Variants in FRMD1 observed in about 807,000 individuals in gnomAD.
FRMD1 encodes FERM domain-containing protein 1.
Under a neutral mutation model 54.9 loss-of-function variants are expected in FRMD1, and 51 were observed. The ratio of observed to expected loss-of-function variants is 0.93; its 90% CI spans 0.74 to 1.17. The LOEUF is 1.17. Ranked by LOEUF, FRMD1 falls within the 50% of genes most tolerant of loss-of-function variation. The pLI is 0.00. For synonymous variants in FRMD1, 324 were observed against 306.4 expected, an observed-to-expected ratio of 1.06 and a Z score of -0.60; for missense variants, 729 against 743.0, an observed-to-expected ratio of 0.98 and a Z score of 0.22.
intron 1 of FRMD1, among the ~76,000 whole-genome samples, chr6:168,076,628 T>C (rs938063867): frequency 2.0e-5 from 3 of 152,266 alleles, no homozygotes; most frequent in Admixed American, 6.5e-5. Context: ...GTAAGTTTCC[T>C]GAGGCCTCCC....
chr6:168,065,698 C>T, intron 4 of FRMD1: 1 of 987,190 alleles, frequency 1.0e-6, no homozygotes, highest in Non-Finnish European at 1.2e-6. Flanking sequence ...CAACCACATA[C>T]CAGTGTCTCC....
intron 9 of FRMD1, among the ~76,000 whole-genome samples, chr6:168,060,057 A>T (rs1799635114): frequency 1.5e-5 from 1 of 64,806 alleles, no homozygotes; most frequent in African/African-American, 6.4e-5. Flanking sequence ...GCTTCCAAAG[A>T]GTTGGGGGAG....
At chr6:168,057,550 GCC>G in intron 10 of FRMD1, 1 of 642,426 alleles carries the variant, frequency 1.6e-6, no homozygotes, top group East Asian at 3.0e-5. Context: ...ATTTCAGGAG[GCC>G]CCCACCTTGC....
chr6:168,067,777 G>A (rs1409624220), intron 2 of FRMD1, among the ~76,000 whole-genome samples: 1 of 152,140 alleles, frequency 6.6e-6, no homozygotes, highest in Admixed American at 6.6e-5. Context: ...TGCAACCCAG[G>A]CACCCCTCTC....
intron 8 of FRMD1, 41 bp downstream of exon 8, chr6:168,061,766 C>T (rs1459919832): frequency 2.0e-6 from 3 of 1,513,754 alleles, no homozygotes; most frequent in Non-Finnish European, 2.7e-6. Context: ...CCAGAAGGCA[C>T]AGTCCGGCTG....
rs1017262137 is a variant in FRMD1, at chr6:168,053,498, C to T, written c.*3599G>A. ...ATGACTGGGAACCCCGAAACGTCTCCCAGCAGACCGAGCCAAGTGTGTGTC... is the reference window on the plus strand; with the variant it reads ...ATGACTGGGAACCCCGAAACGTCTCTCAGCAGACCGAGCCAAGTGTGTGTC... On this transcript the variant is annotated 3_prime_UTR_variant, in exon 11 of 11. Coordinates refer to ENST00000283309, the MANE Select transcript of FRMD1 (RefSeq NM_024919.6). The T allele has an allele frequency of 6.6e-6, 1 of 152,394 alleles. No individual in the cohort carries two copies. The allele number at this position is 152,394 out of a possible 1,614,324, so 9.4% of individuals were successfully genotyped here.
In FRMD1 at chr6:168,059,604, C is replaced by T. The variant is rs368947144; in HGVS notation, c.1343-416G>A. Among the ~76,000 whole-genome samples, 13 of 152,256 alleles carry T rather than the reference C, an allele frequency of 8.5e-5. No homozygotes were observed. The East Asian group carries it at 9.7e-4, about 11-fold the overall frequency. ...CTGGGTGACTGTAGGTGATGCTGGG[C>T]GGTCCTGGGTGACTGAGCCCTGGGG... On this transcript the variant is annotated intron_variant, in intron 9 of 10. Transcript: ENST00000283309. This position sits in a 1 kb window ranked among gnomAD's most constrained non-coding sequence, Gnocchi z 4.4.
intron 1 of FRMD1, among the ~76,000 whole-genome samples, chr6:168,087,840 G>A (rs1032305723): frequency 8.6e-5 from 13 of 152,034 alleles, no homozygotes; most frequent in Admixed American, 5.9e-4. Flanking sequence ...CTCACCACCC[G>A]TCTGGGCACG....
chr6:168,059,686 C>A lies in FRMD1; in HGVS notation c.1343-498G>T, dbSNP rs1056380357. Among the ~76,000 whole-genome samples, 5 of 152,140 alleles carry A rather than the reference C, an allele frequency of 3.3e-5. No homozygotes were observed. The highest frequency in any genetic ancestry group is 1.2e-4 in the African/African-American group (5 of 41,430). ...TCAGGGCCGTGGGGACACTCAGAGA[C>A]CAGCAGAGCTCACGTCCCCTTTCTG... is the stretch of plus-strand genomic sequence containing the variant. On this transcript the variant is annotated intron_variant, in intron 9 of 10. Transcript: ENST00000283309. This position sits in a 1 kb window ranked among gnomAD's most constrained non-coding sequence, Gnocchi z 4.4.
chr6:168,067,794 A>G (rs933677345), intron 2 of FRMD1, among the ~76,000 whole-genome samples: 10 of 152,170 alleles, frequency 6.6e-5, no homozygotes, highest in African/African-American at 1.9e-4. Flanking sequence ...TCTCTCAGCT[A>G]TGGAATGAGT....
Position 168,059,010 on chromosome 6 carries a change from G to T in FRMD1, c.1407+114C>A. 2.5e-6 allele frequency: 2 copies of T among 787,102 alleles called. No individual in the cohort carries two copies. Among genetic ancestry groups the T allele is most frequent in the Non-Finnish European group, 4.0e-6 (2 of 495,584 alleles). 48.8% of individuals were successfully genotyped at this position (787,102 alleles called of 1,614,324 possible). A position where few individuals can be genotyped will look rare whatever the true frequency, so the allele number is the denominator to read the frequency against. Reference sequence around the variant, plus strand: ...GCCCGCTGCGTCTCTGGGGATGTCAGTCGAGGGACCCTCTGATAGGCCTAG... The same window carrying T: ...GCCCGCTGCGTCTCTGGGGATGTCATTCGAGGGACCCTCTGATAGGCCTAG... On this transcript the variant is annotated intron_variant, in intron 10 of 10. Transcript: ENST00000283309. This position sits in a 1 kb window ranked among gnomAD's most constrained non-coding sequence, Gnocchi z 4.4.
At chr6:168,070,816 G>A (rs1316415641) in intron 2 of FRMD1, among the ~76,000 whole-genome samples, 1 of 152,222 alleles carries the variant, frequency 6.6e-6, no homozygotes, top group East Asian at 1.9e-4. Flanking sequence ...GCCTTGACTG[G>A]CACATGACTG....
intron 2 of FRMD1, among the ~76,000 whole-genome samples, chr6:168,072,026 G>A (rs1037711400): frequency 5.9e-4 from 90 of 152,260 alleles, no homozygotes; most frequent in African/African-American, 2.0e-3. Context: ...CTGTGCCTCA[G>A]TCGAAAGGGA....
chr6:168,061,120 A>G (rs1799708213), intron 8 of FRMD1, 63 bp from the exon 9 acceptor site: 2 of 1,512,268 alleles, frequency 1.3e-6, no homozygotes, highest in African/African-American at 2.8e-5. Context: ...CTGATGCAGG[A>G]GGAAGAGCCC....
intron 1 of FRMD1, among the ~76,000 whole-genome samples, chr6:168,076,217 G>T (rs146896649): frequency 2.4e-4 from 36 of 152,326 alleles, no homozygotes; most frequent in African/African-American, 5.3e-4. Context: ...CCCTCACTTG[G>T]GGCTCCAAGA....
At position 168,074,423 on chromosome 6, in the gene FRMD1, C is replaced by T. The variant is rs113366491; in HGVS notation, c.304+822G>A. Among the ~76,000 whole-genome samples the T allele has an allele frequency of 1.9e-4, 28 of 150,586 alleles. No individual in the cohort carries two copies. In the East Asian group the frequency reaches 2.2e-3, roughly 12 times the overall value. On this transcript the variant is annotated intron_variant, in intron 2 of 10. Transcript: ENST00000283309. ...GGTGCGTAACTGCATGTGTGTGGTG[C>T]GCACATGTGTACATGTGCGAGTGGT...
chr6:168,061,776 G>A (rs576872563), intron 8 of FRMD1, 31 bp downstream of exon 8: 114 of 1,529,010 alleles, frequency 7.5e-5, no homozygotes, highest in Non-Finnish European at 9.5e-5. Flanking sequence ...CAGTCCGGCT[G>A]CGGAGCCCAG....
chr6:168,086,876 G>T (rs547628908), intron 1 of FRMD1, among the ~76,000 whole-genome samples: 4 of 152,354 alleles, frequency 2.6e-5, no homozygotes, highest in Admixed American at 2.6e-4. Context: ...TTGGGCACCT[G>T]TTAGCCAGGA....
Position 168,059,203 on chromosome 6 carries a change from A to C in FRMD1, c.1343-15T>G. 6.4e-7 allele frequency: 1 copy of C among 1,573,084 alleles called. No homozygotes were observed. Among genetic ancestry groups the C allele is most frequent in the Non-Finnish European group, 8.6e-7 (1 of 1,162,568 alleles). On this transcript the variant is annotated splice_polypyrimidine_tract_variant and intron_variant, in intron 9 of 10. Transcript: ENST00000283309. The surrounding 1 kb of genome is among the most constrained non-coding windows in gnomAD (Gnocchi z 4.4). ...CTGACGAGTGGCTGTGGGAGGAGGCAGCCGTGAGCACAGGTGTCTGGGTTC... is the reference window on the plus strand; with the variant it reads ...CTGACGAGTGGCTGTGGGAGGAGGCCGCCGTGAGCACAGGTGTCTGGGTTC...
Sources: allele counts gnomAD v4.1 joint callset (sites outside exome capture counted in the v4.1 genomes callset), GRCh38; gene constraint gnomAD v4.1.1; non-coding constraint Gnocchi (gnomAD v3.1); transcripts MANE v1.5; gene names NCBI Gene and HGNC (gene_info 2026-07-23, HGNC 2026-07-21).